Variants in KLF8 observed in about 807,000 individuals in gnomAD.
KLF8 encodes the protein Krueppel-like factor 8.
A neutral mutation model predicts 18.2 loss-of-function variants in KLF8; 10 were observed. The ratio of observed to expected loss-of-function variants is 0.55; its 90% CI spans 0.34 to 0.93. KLF8 has a LOEUF of 0.93. Ranked by LOEUF, KLF8 falls within the 40% of genes least tolerant of loss-of-function variation. The pLI is 0.02. For synonymous variants in KLF8, 109 were observed against 97.3 expected, an observed-to-expected ratio of 1.12 and a Z score of -0.71; for missense variants, 264 against 277.9, an observed-to-expected ratio of 0.95 and a Z score of 0.36.
the KLF8 span, among the ~76,000 whole-genome samples, chrX:56,220,580 G>A: frequency 3.6e-5 from 4 of 111,246 alleles, no homozygotes; most frequent in Admixed American, 9.6e-5. Context: ...CCGCCTCCCA[G>A]GTTCAAGCGA....
chrX:56,010,543 A>G, the KLF8 span, among the ~76,000 whole-genome samples: 1 of 111,941 alleles, frequency 8.9e-6, no homozygotes, highest in African/African-American at 3.2e-5. Context: ...ACTGTGAAGC[A>G]ACTACATCAA....
chrX:56,028,806 G>A, the KLF8 span, among the ~76,000 whole-genome samples: 821 of 110,845 alleles, frequency 7.4e-3, 9 homozygotes, highest in African/African-American at 0.026. Context: ...CACCCTTCAA[G>A]TCCAGGCAAG....
At chrX:56,217,334 G>T in the KLF8 span, among the ~76,000 whole-genome samples, 2 of 111,616 alleles carry the variant, frequency 1.8e-5, no homozygotes, top group Non-Finnish European at 3.8e-5. Flanking sequence ...GAGGCTGATT[G>T]CTTCAGGTTC....
the KLF8 span, among the ~76,000 whole-genome samples, chrX:56,014,307 G>A: frequency 1.8e-5 from 2 of 112,094 alleles, no homozygotes; most frequent in South Asian, 7.5e-4. Context: ...CTGTTAAAAA[G>A]TGGGCAAAGG....
the KLF8 span, among the ~76,000 whole-genome samples, chrX:55,940,039 A>T: frequency 8.9e-6 from 1 of 111,982 alleles, no homozygotes; most frequent in African/African-American, 3.2e-5. Flanking sequence ...GGACGGCATC[A>T]TCCTGATACC....
chrX:56,155,655 CT>C, the KLF8 span, among the ~76,000 whole-genome samples: 2 of 111,161 alleles, frequency 1.8e-5, no homozygotes, highest in African/African-American at 3.3e-5. Flanking sequence ...AACATAGTAT[CT>C]TTTTTTAAAT....
the KLF8 span, among the ~76,000 whole-genome samples, chrX:56,094,579 T>C: frequency 3.6e-5 from 4 of 111,055 alleles, no homozygotes; most frequent in Non-Finnish European, 7.6e-5. Flanking sequence ...AACAGGATAT[T>C]GTTAAACTAA....
the KLF8 span, among the ~76,000 whole-genome samples, chrX:56,110,855 GGAATTACTAAC>G: frequency 3.9e-4 from 43 of 109,658 alleles, no homozygotes; most frequent in Non-Finnish European, 5.7e-5. Context: ...TAAACAAAAA[GGAATTACTAAC>G]CTAATATTAA....
At chrX:55,960,393 A>G in the KLF8 span, among the ~76,000 whole-genome samples, 1 of 111,327 alleles carries the variant, frequency 9.0e-6, no homozygotes, top group Non-Finnish European at 1.9e-5. Context: ...GTGCACGCCT[A>G]TAATCTCAGC....
the KLF8 span, among the ~76,000 whole-genome samples, chrX:56,013,287 G>A: frequency 8.9e-6 from 1 of 112,442 alleles, no homozygotes; most frequent in Non-Finnish European, 1.9e-5. Context: ...CTTGGAATTG[G>A]TGTATTTACT....
chrX:56,287,732 AT>A lies in KLF8; in HGVS notation c.*3242del, dbSNP rs2147712635. ...TAACTTCTTTTAAAATAAACTTTTT[AT>A]TTTCAAACAGTTTCAGTTTTACAGA... On this transcript the variant is annotated 3_prime_UTR_variant, in exon 6 of 6. Transcript: ENST00000468660. 2 of 111,969 alleles carry A rather than the reference AT, an allele frequency of 1.8e-5. No homozygotes were observed. The highest frequency in any genetic ancestry group is 6.5e-5 in the African/African-American group (2 of 30,880). 9.2% of individuals were successfully genotyped at this position (111,969 alleles called of 1,213,427 possible).
At chrX:56,045,458 A>G in the KLF8 span, among the ~76,000 whole-genome samples, 18 of 111,534 alleles carry the variant, frequency 1.6e-4, no homozygotes, top group African/African-American at 5.5e-4. Flanking sequence ...TTTTTACGGG[A>G]ATTGCATTGA....
At chrX:55,936,306 G>T in the KLF8 span, among the ~76,000 whole-genome samples, 5 of 111,951 alleles carry the variant, frequency 4.5e-5, no homozygotes, top group African/African-American at 1.6e-4. Flanking sequence ...ATATTAGGTG[G>T]GTATACAGTG....
the KLF8 span, among the ~76,000 whole-genome samples, chrX:55,955,807 G>C: frequency 1.8e-5 from 2 of 111,733 alleles, no homozygotes; most frequent in African/African-American, 6.5e-5. Context: ...AGGTGATCAA[G>C]AAATACTCAT....
chrX:55,946,235 A>G, the KLF8 span, among the ~76,000 whole-genome samples: 2 of 111,919 alleles, frequency 1.8e-5, no homozygotes, highest in Admixed American at 1.9e-4. Flanking sequence ...ACTTCAAACT[A>G]TACTACAATG....
At chrX:56,103,749 T>A in the KLF8 span, among the ~76,000 whole-genome samples, 1 of 111,782 alleles carries the variant, frequency 8.9e-6, no homozygotes, top group Non-Finnish European at 1.9e-5. Context: ...CAACATTATG[T>A]TGAATAGGAG....
At position 56,290,597 on chromosome X, in the gene KLF8, C is replaced by T. The variant is rs1299569138; in HGVS notation, c.*6103C>T. On this transcript the variant is annotated 3_prime_UTR_variant, in exon 6 of 6. Transcript: ENST00000468660. ...TTGCTTCAGAAGCTGTATTCTTCCC[C>T]CTTTGTAACTCTGCTTGGACCACAT... Among the ~76,000 whole-genome samples, 1 of 111,751 alleles carries T rather than the reference C, an allele frequency of 8.9e-6. No homozygotes were observed. The highest frequency in any genetic ancestry group is 1.9e-5 in the Non-Finnish European group (1 of 53,125).
chrX:56,251,060 C>T (rs2066703057), intron 2 of KLF8, among the ~76,000 whole-genome samples: 2 of 112,700 alleles, frequency 1.8e-5, no homozygotes, highest in Admixed American at 9.4e-5. Flanking sequence ...TAATGTTTGA[C>T]CAAATATCTG....
At chrX:56,055,776 C>G in the KLF8 span, among the ~76,000 whole-genome samples, 5 of 111,142 alleles carry the variant, frequency 4.5e-5, no homozygotes, top group Admixed American at 3.8e-4. Context: ...AATTTTTTTT[C>G]TCTCTTCTTG....
Sources: allele counts gnomAD v4.1 joint callset (sites outside exome capture counted in the v4.1 genomes callset), GRCh38; gene constraint gnomAD v4.1.1; transcripts MANE v1.5; gene names NCBI Gene and HGNC (gene_info 2026-07-23, HGNC 2026-07-21).